The following KCNH8 variants were observed in gnomAD, a reference collection of about 807,000 sequenced individuals.
The protein encoded by KCNH8 is voltage-gated delayed rectifier potassium channel KCNH8.
A neutral mutation model predicts 103.6 loss-of-function variants in KCNH8; 70 were observed. The observed-to-expected ratio is 0.68, with a 90% CI of 0.56 to 0.82. The LOEUF is 0.82. Ranked by LOEUF, KCNH8 falls within the 40% of genes least tolerant of loss-of-function variation. KCNH8 has a pLI of 0.00. For missense variants in KCNH8, 1,217 were observed against 1,329.9 expected (o/e 0.92, Z 1.32); for synonymous variants, 498 against 489.4 (o/e 1.02, Z -0.23).
chr3:19,236,198 T>C (rs2125241707), intron 1 of KCNH8, among the ~76,000 whole-genome samples: 1 of 152,284 alleles, frequency 6.6e-6, no homozygotes, highest in Non-Finnish European at 1.5e-5. Flanking sequence ...AGAAACTTCA[T>C]TGAAGTTGTT....
At chr3:19,377,759 C>G (rs181174998) in intron 5 of KCNH8, among the ~76,000 whole-genome samples, 1 of 152,254 alleles carries the variant, frequency 6.6e-6, no homozygotes, top group Non-Finnish European at 1.5e-5. Flanking sequence ...TGTGTGAATG[C>G]CTTGTTCATA....
At chr3:19,442,367 A>G (rs574580445) in intron 8 of KCNH8, among the ~76,000 whole-genome samples, 2 of 152,290 alleles carry the variant, frequency 1.3e-5, no homozygotes, top group East Asian at 3.9e-4. Flanking sequence ...TCAAAGCCTA[A>G]TTCTACTAAT....
chr3:19,514,857 TAAGTAA>T (rs1676663759), intron 13 of KCNH8, among the ~76,000 whole-genome samples: 1 of 151,852 alleles, frequency 6.6e-6, no homozygotes, highest in Non-Finnish European at 1.5e-5. Flanking sequence ...AATCTGAGAA[TAAGTAA>T]AAGAGCCTCT....
chr3:19,168,641 T>G (rs1327280007), intron 1 of KCNH8, among the ~76,000 whole-genome samples: 1 of 152,178 alleles, frequency 6.6e-6, no homozygotes, highest in African/African-American at 2.4e-5. Context: ...TGGGTAAATG[T>G]GAACAGCCAT....
rs1170312203 is a variant in KCNH8 at position 19,201,231 on chromosome 3, CAAAAAAAAAA to C, written c.77-52401_77-52392del. 3.1e-3 allele frequency among the ~76,000 whole-genome samples: 69 copies of C among 22,062 alleles called. 1 individual carries two copies. The highest frequency in any genetic ancestry group is 0.011 in the South Asian group (3 of 266). The allele number at this position is 22,062 out of a possible 152,430, so 14.5% of individuals were successfully genotyped here. A position where few individuals can be genotyped will look rare whatever the true frequency, so the allele number is the denominator to read the frequency against. On this transcript the variant is annotated intron_variant, in intron 1 of 15. Transcript: ENST00000328405. The stretch of plus-strand genomic sequence containing the variant: ...TGGGTGAAGTAGCAAGACTCTGCCT[CAAAAAAAAAA>C]AAAAAAAAAAAAAAAAAAAAAGAAA...
intron 1 of KCNH8, among the ~76,000 whole-genome samples, chr3:19,239,863 A>G (rs796293642): frequency 1.2e-4 from 19 of 152,260 alleles, no homozygotes; most frequent in Admixed American, 6.5e-4. Flanking sequence ...CTCATTTGAC[A>G]TCACATCCAC....
At chr3:19,295,282 G>A (rs139044736) in intron 3 of KCNH8, among the ~76,000 whole-genome samples, 57 of 152,084 alleles carry the variant, frequency 3.7e-4, no homozygotes, top group Admixed American at 8.5e-4. Flanking sequence ...TACTCAGGGA[G>A]CTCAGGTGGG....
At chr3:19,244,844 T>A (rs1354397386) in intron 1 of KCNH8, among the ~76,000 whole-genome samples, 1 of 152,172 alleles carries the variant, frequency 6.6e-6, no homozygotes, top group Non-Finnish European at 1.5e-5. Context: ...TTGTTGAAGT[T>A]TCACATAGAT....
intron 1 of KCNH8, among the ~76,000 whole-genome samples, chr3:19,157,453 C>T (rs1413542606): frequency 2.0e-5 from 3 of 152,042 alleles, no homozygotes; most frequent in Non-Finnish European, 2.9e-5. Flanking sequence ...TCTCTCTCAA[C>T]AAATGTGTAA....
At chr3:19,295,683 G>C (rs2064988953) in intron 3 of KCNH8, among the ~76,000 whole-genome samples, 1 of 152,174 alleles carries the variant, frequency 6.6e-6, no homozygotes, top group Non-Finnish European at 1.5e-5. Flanking sequence ...GAAGCATGCT[G>C]GGGAATGGCA....
At chr3:19,418,759 A>C (rs534998460) in intron 7 of KCNH8, among the ~76,000 whole-genome samples, 1 of 152,344 alleles carries the variant, frequency 6.6e-6, no homozygotes, top group East Asian at 1.9e-4. Context: ...AGTTTAATGC[A>C]AACTTGAGAG....
intron 7 of KCNH8, among the ~76,000 whole-genome samples, chr3:19,412,396 G>A (rs1261689426): frequency 1.3e-5 from 2 of 151,718 alleles, no homozygotes; most frequent in Non-Finnish European, 3.0e-5. Context: ...AAAACTCAAG[G>A]TGGATTAAAG....
intron 12 of KCNH8, 85 bp from the exon 13 acceptor site, chr3:19,512,870 AAGAGATTTGACTTTG>A: frequency 2.9e-6 from 3 of 1,037,212 alleles, no homozygotes; most frequent in Non-Finnish European, 4.3e-6. Context: ...GTAAGTCTCT[AAGAGATTTGACTTTG>A]TTCTAATGAG....
At chr3:19,295,707 G>GTT (rs2064989240) in intron 3 of KCNH8, among the ~76,000 whole-genome samples, 2 of 152,272 alleles carry the variant, frequency 1.3e-5, no homozygotes, top group South Asian at 4.1e-4. Flanking sequence ...AATACTGTGG[G>GTT]TTTGTACTTC....
At chr3:19,474,810 G>A (rs1240640498) in intron 11 of KCNH8, among the ~76,000 whole-genome samples, 3 of 152,124 alleles carry the variant, frequency 2.0e-5, no homozygotes, top group Non-Finnish European at 4.4e-5. Context: ...AAACAGTCCC[G>A]AGTCTGATTA....
intron 7 of KCNH8, among the ~76,000 whole-genome samples, chr3:19,402,427 A>C (rs1017784455): frequency 6.6e-6 from 1 of 151,922 alleles, no homozygotes; most frequent in African/African-American, 2.4e-5. Context: ...CAAAATGGAG[A>C]TAAAAATGCC....
intron 11 of KCNH8, among the ~76,000 whole-genome samples, chr3:19,507,869 G>A (rs370070448): frequency 9.3e-4 from 141 of 152,292 alleles, no homozygotes; most frequent in African/African-American, 3.2e-3. Flanking sequence ...TGGGAGCACT[G>A]TCCCAGGAAA....
In KCNH8 at chr3:19,363,490, T is replaced by C. The variant is rs566748586; in HGVS notation, c.811+15525T>C. 1.6e-4 allele frequency among the ~76,000 whole-genome samples: 24 copies of C among 152,310 alleles called. No homozygotes were observed. The South Asian group carries it at 4.4e-3, about 28-fold the overall frequency. On this transcript the variant is annotated intron_variant, in intron 5 of 15. Coordinates refer to ENST00000328405, the MANE Select transcript of KCNH8 (RefSeq NM_144633.3). ...CCAGCTTGAGTATTCAAGAGGTCTC[T>C]TAACAACAGCTTCATAATTTTGCTG...
At chr3:19,351,950 TAA>T (rs2065809092) in intron 5 of KCNH8, among the ~76,000 whole-genome samples, 1 of 152,036 alleles carries the variant, frequency 6.6e-6, no homozygotes. Context: ...GCAAATTGGA[TAA>T]AGAGTCAAGA....
Sources: gnomAD v4.1 joint callset for allele counts (sites outside exome capture counted in the v4.1 genomes callset) on GRCh38, gnomAD v4.1.1 for gene constraint, MANE v1.5 for transcripts, NCBI Gene and HGNC (gene_info 2026-07-23, HGNC 2026-07-21) for gene names.